The following ZRANB3 variants were observed in gnomAD, a reference collection of about 807,000 sequenced individuals.
ZRANB3 encodes the protein DNA annealing helicase and endonuclease ZRANB3.
ZRANB3 carries 125 observed loss-of-function variants against 133.8 expected under a neutral mutation model. That is an observed-to-expected ratio of 0.93 (90% CI 0.81 to 1.08). The LOEUF is 1.08. Ranked by LOEUF, ZRANB3 falls within the 50% of genes least tolerant of loss-of-function variation. The probability of loss-of-function intolerance (pLI) is 0.00; values close to 1 mark genes in which losing one functional copy is unlikely to be tolerated. For missense variants in ZRANB3, 1,229 were observed against 1,275.5 expected, an observed-to-expected ratio of 0.96 and a Z score of 0.56; for synonymous variants, 387 against 432.7, an observed-to-expected ratio of 0.89 and a Z score of 1.31.
At chr2:135,323,338 A>G (rs1207349152) in intron 6 of ZRANB3, among the ~76,000 whole-genome samples, 1 of 152,228 alleles carries the variant, frequency 6.6e-6, no homozygotes, top group African/African-American at 2.4e-5. Context: ...AGAATATTAT[A>G]GACTAGACAA....
At chr2:135,346,395 C>G (rs576271725) in intron 5 of ZRANB3, among the ~76,000 whole-genome samples, 1 of 152,282 alleles carries the variant, frequency 6.6e-6, no homozygotes, top group East Asian at 1.9e-4. Context: ...CCACCACGCC[C>G]AGCCTATTTC....
chr2:135,291,432 C>T (rs1467946023), intron 8 of ZRANB3, among the ~76,000 whole-genome samples: 2 of 152,084 alleles, frequency 1.3e-5, no homozygotes, highest in Admixed American at 1.3e-4. Flanking sequence ...ATCCAGCCCC[C>T]TCGGCCTCCC....
intron 1 of ZRANB3, among the ~76,000 whole-genome samples, chr2:135,514,565 T>C (rs1693618869): frequency 6.6e-6 from 1 of 152,242 alleles, no homozygotes; most frequent in Admixed American, 6.5e-5. Context: ...GTTTTCTAAA[T>C]ATACAATCAT....
chr2:135,301,787 T>C (rs536239317), intron 8 of ZRANB3, among the ~76,000 whole-genome samples: 4 of 152,168 alleles, frequency 2.6e-5, no homozygotes, highest in Admixed American at 6.6e-5. Flanking sequence ...TTCATAAGCA[T>C]CCTGTTTTTG....
intron 3 of ZRANB3, among the ~76,000 whole-genome samples, chr2:135,386,556 G>A (rs1043147380): frequency 6.6e-6 from 1 of 152,076 alleles, no homozygotes; most frequent in Non-Finnish European, 1.5e-5. Flanking sequence ...TGTTTACTGG[G>A]GCACTATTCA....
intron 12 of ZRANB3, among the ~76,000 whole-genome samples, chr2:135,243,523 A>T (rs1695646329): frequency 6.6e-6 from 1 of 152,212 alleles, no homozygotes; most frequent in Non-Finnish European, 1.5e-5. Flanking sequence ...TAATTTAAAA[A>T]AATTACCATT....
chr2:135,227,751 A>C, intron 14 of ZRANB3, 61 bp downstream of exon 14: 1 of 1,468,458 alleles, frequency 6.8e-7, no homozygotes, highest in Non-Finnish European at 9.3e-7. Flanking sequence ...ATCTAATAAC[A>C]GTATTATGTG....
At chr2:135,303,895 C>T (rs1682561184) in intron 8 of ZRANB3, among the ~76,000 whole-genome samples, 1 of 152,090 alleles carries the variant, frequency 6.6e-6, no homozygotes, top group South Asian at 2.1e-4. Flanking sequence ...ATTTTGGATG[C>T]TATTTCAAAT....
intron 2 of ZRANB3, among the ~76,000 whole-genome samples, chr2:135,483,041 G>GC (rs1691909509): frequency 6.6e-6 from 1 of 152,026 alleles, no homozygotes; most frequent in African/African-American, 2.4e-5. Flanking sequence ...GAGGATTTTT[G>GC]CATCAATGTT....
intron 2 of ZRANB3, among the ~76,000 whole-genome samples, chr2:135,501,243 C>T (rs1692928131): frequency 1.3e-5 from 2 of 151,892 alleles, no homozygotes; most frequent in Admixed American, 6.6e-5. Context: ...AATGAGTGTA[C>T]CCCACAGATT....
intron 1 of ZRANB3, among the ~76,000 whole-genome samples, chr2:135,510,029 T>C (rs1218846458): frequency 2.6e-5 from 4 of 152,236 alleles, no homozygotes; most frequent in Non-Finnish European, 1.5e-5. Flanking sequence ...ATTGTCAAAT[T>C]TTCCAATGGC....
chr2:135,262,016 C>T (rs1384784524), intron 12 of ZRANB3, among the ~76,000 whole-genome samples: 3 of 151,688 alleles, frequency 2.0e-5, no homozygotes, highest in Non-Finnish European at 4.4e-5. Context: ...AAAAATTAGC[C>T]AGGCGTGGTG....
At chr2:135,340,886 A>T (rs934945697) in intron 6 of ZRANB3, among the ~76,000 whole-genome samples, 1 of 149,936 alleles carries the variant, frequency 6.7e-6, no homozygotes, top group Middle Eastern at 3.4e-3. Flanking sequence ...TATAATACCA[A>T]GTCTTTTCAT....
rs147423291 is a variant in ZRANB3, at chr2:135,384,221, C to T, written c.180+6581G>A. Among the ~76,000 whole-genome samples the T allele has an allele frequency of 5.5e-3, 843 of 152,174 alleles. 7 individuals carry two copies. Among genetic ancestry groups the T allele is most frequent in the African/African-American group, 0.019 (803 of 41,508 alleles). ...ACAGAGAATACTATAAACACCTCTA[C>T]GCAAATAAACTAGGAAATCTAGAAG... On this transcript the variant is annotated intron_variant, in intron 3 of 20. Transcript: ENST00000264159.
chr2:135,528,664 G>C (rs560888144), intron 1 of ZRANB3, among the ~76,000 whole-genome samples: 51 of 151,988 alleles, frequency 3.4e-4, no homozygotes, highest in Admixed American at 2.5e-3. Context: ...AAAAAACTAA[G>C]CATCTACAGT....
intron 8 of ZRANB3, among the ~76,000 whole-genome samples, chr2:135,287,366 T>G (rs765441805): frequency 1.3e-5 from 2 of 152,192 alleles, no homozygotes; most frequent in Non-Finnish European, 2.9e-5. Context: ...ACCCCTGGAT[T>G]TGTTCTTTTT....
intron 2 of ZRANB3, among the ~76,000 whole-genome samples, chr2:135,441,686 G>A (rs774671117): frequency 4.0e-4 from 61 of 151,676 alleles, no homozygotes; most frequent in Non-Finnish European, 7.4e-4. Flanking sequence ...GGAATGAAAC[G>A]GCTATATTTT....
intron 2 of ZRANB3, among the ~76,000 whole-genome samples, chr2:135,439,847 C>G (rs1284573954): frequency 6.6e-6 from 1 of 152,186 alleles, no homozygotes; most frequent in Non-Finnish European, 1.5e-5. Flanking sequence ...TTCAGAACCA[C>G]TACATAGGAT....
At chr2:135,515,947 T>C (rs1204175602) in intron 1 of ZRANB3, among the ~76,000 whole-genome samples, 1 of 152,222 alleles carries the variant, frequency 6.6e-6, no homozygotes. Flanking sequence ...ATTTGCTTTA[T>C]GAATCTAGGT....
Sources: allele counts gnomAD v4.1 joint callset (sites outside exome capture counted in the v4.1 genomes callset), GRCh38; gene constraint gnomAD v4.1.1; transcripts MANE v1.5; gene names NCBI Gene and HGNC (gene_info 2026-07-23, HGNC 2026-07-21).